The following SPAG16 variants were observed in gnomAD, a reference collection of about 807,000 sequenced individuals.
SPAG16 encodes the protein sperm-associated antigen 16 protein.
A neutral mutation model predicts 80.4 loss-of-function variants in SPAG16; 86 were observed. That is an observed-to-expected ratio of 1.07 (90% confidence interval 0.90 to 1.28). SPAG16 has a LOEUF of 1.28. Ranked by LOEUF, SPAG16 falls within the 50% of genes most tolerant of loss-of-function variation. The pLI, the probability that SPAG16 is intolerant of heterozygous loss-of-function variation, is 0.00. For synonymous variants in SPAG16, 294 were observed against 265.9 expected (o/e 1.11, Z -1.03); for missense variants, 870 against 765.3 (o/e 1.14, Z -1.61).
intron 10 of SPAG16, among the ~76,000 whole-genome samples, chr2:213,794,825 A>G (rs1026954710): frequency 2.7e-4 from 41 of 152,296 alleles, no homozygotes; most frequent in African/African-American, 9.1e-4. Context: ...ATGGCAGTTG[A>G]TAAGAGACAT....
intron 15 of SPAG16, among the ~76,000 whole-genome samples, chr2:214,220,460 A>G (rs997111865): frequency 6.6e-6 from 1 of 152,222 alleles, no homozygotes; most frequent in East Asian, 1.9e-4. Context: ...TTAATTTTTA[A>G]TCAGTAAGAT....
rs535960793 is a variant in SPAG16, at chr2:213,740,367, T to G, written c.1071-122118T>G. Reference sequence around the variant, plus strand: ...CAAACTGTAAAGAAAGGTTGATGTCTTATGAAATGTGAAAGGTTGATGTCT... The same window carrying G: ...CAAACTGTAAAGAAAGGTTGATGTCGTATGAAATGTGAAAGGTTGATGTCT... On this transcript the variant is annotated intron_variant, in intron 10 of 15. Coordinates refer to ENST00000331683, the MANE Select transcript of SPAG16 (RefSeq NM_024532.5). Among the ~76,000 whole-genome samples, 72 of 152,316 alleles carry G rather than the reference T, an allele frequency of 4.7e-4. 1 individual carries two copies. Among genetic ancestry groups the G allele is most frequent in the African/African-American group, 1.6e-3 (67 of 41,570 alleles).
At position 213,917,572 on chromosome 2, in the gene SPAG16, G is replaced by A. The variant is rs544882686; in HGVS notation, c.1215-12388G>A. On this transcript the variant is annotated intron_variant, in intron 11 of 15. Coordinates refer to ENST00000331683, the MANE Select transcript of SPAG16 (RefSeq NM_024532.5). ...GACTGTATTCGTGATTTCACTCTCA[G>A]CTTAGATGTTGTTGGTATATAGAAA... 2.6e-5 allele frequency among the ~76,000 whole-genome samples: 4 copies of A among 152,216 alleles called. No individual in the cohort carries two copies. The East Asian group carries it at 7.7e-4, about 29-fold the overall frequency.
chr2:213,903,562 G>A (rs1040705061), intron 11 of SPAG16, among the ~76,000 whole-genome samples: 1 of 152,070 alleles, frequency 6.6e-6, no homozygotes, highest in South Asian at 2.1e-4. Context: ...CCTGGTCCAC[G>A]AAACCATTTT....
At chr2:213,911,502 T>G (rs185446967) in intron 11 of SPAG16, among the ~76,000 whole-genome samples, 1 of 152,316 alleles carries the variant, frequency 6.6e-6, no homozygotes, top group East Asian at 1.9e-4. Context: ...ATGCCAAGAA[T>G]GCACATGAAG....
intron 10 of SPAG16, among the ~76,000 whole-genome samples, chr2:213,823,162 A>G (rs746880499): frequency 5.7e-4 from 87 of 152,134 alleles, no homozygotes; most frequent in Non-Finnish European, 1.2e-3. Context: ...GTCTTCCACA[A>G]TGGTTGAACT....
rs1449759628 is a variant in SPAG16, at chr2:213,489,949, A to T, written c.943-14A>T. 1 of 1,588,676 alleles carries T rather than the reference A, an allele frequency of 6.3e-7. No homozygotes were observed. The highest frequency in any genetic ancestry group is 8.5e-7 in the Non-Finnish European group (1 of 1,169,652). ...ATATTTAACACAGAGCTCTTGTTTA[A>T]TTTTTTTCTCTAGGATTCAGAATTT... On this transcript the variant is annotated splice_polypyrimidine_tract_variant and intron_variant, in intron 9 of 15. Transcript: ENST00000331683.
intron 10 of SPAG16, among the ~76,000 whole-genome samples, chr2:213,514,092 G>A (rs947465368): frequency 2.6e-5 from 4 of 152,126 alleles, no homozygotes; most frequent in African/African-American, 7.2e-5. Flanking sequence ...AACAAAGAGA[G>A]TAGAGAGTTT....
chr2:213,993,260 C>T (rs2046367285), intron 12 of SPAG16, among the ~76,000 whole-genome samples: 1 of 152,184 alleles, frequency 6.6e-6, no homozygotes, highest in Non-Finnish European at 1.5e-5. Context: ...TGACATAATT[C>T]ACCCTTTTCA....
intron 9 of SPAG16, among the ~76,000 whole-genome samples, chr2:213,387,312 A>C (rs1025169012): frequency 6.6e-6 from 1 of 151,558 alleles, no homozygotes. Flanking sequence ...ACTATTATTA[A>C]AAGTATTTTA....
At position 213,489,000 on chromosome 2, in the gene SPAG16, G is replaced by A. The variant is rs372175000; in HGVS notation, c.943-963G>A. ...TGAGGCACGGGAATCGCCTGAATCC[G>A]GAAGGCGGAGGTTGCAGTGAGCCAA... is the stretch of plus-strand genomic sequence containing the variant. On this transcript the variant is annotated intron_variant, in intron 9 of 15. Coordinates refer to ENST00000331683, the MANE Select transcript of SPAG16 (RefSeq NM_024532.5). Among the ~76,000 whole-genome samples the A allele has an allele frequency of 1.9e-3, 277 of 147,980 alleles. 7 individuals are homozygous for A. The highest frequency in any genetic ancestry group is 4.8e-3 in the African/African-American group (197 of 40,874).
chr2:213,488,904 C>T (rs1245100839), intron 9 of SPAG16, among the ~76,000 whole-genome samples: 1 of 149,272 alleles, frequency 6.7e-6, no homozygotes, highest in African/African-American at 2.4e-5. Context: ...TGGTGAAAAC[C>T]GTCTACTAAA....
At chr2:213,670,802 T>C (rs1312048632) in intron 10 of SPAG16, among the ~76,000 whole-genome samples, 1 of 152,210 alleles carries the variant, frequency 6.6e-6, no homozygotes, top group Non-Finnish European at 1.5e-5. Context: ...GAAAGTTGCT[T>C]AGTTTTTGAA....
chr2:213,945,287 A>T (rs907014719), intron 12 of SPAG16, among the ~76,000 whole-genome samples: 2 of 147,036 alleles, frequency 1.4e-5, no homozygotes, highest in Non-Finnish European at 3.0e-5. Flanking sequence ...ACACAAACAC[A>T]CACATATATA....
chr2:213,549,276 T>C, intron 10 of SPAG16, among the ~76,000 whole-genome samples: 1 of 151,958 alleles, frequency 6.6e-6, no homozygotes, highest in Admixed American at 6.5e-5. Flanking sequence ...AATTTTCTCT[T>C]ATATTATTTT....
intron 15 of SPAG16, among the ~76,000 whole-genome samples, chr2:214,155,277 A>G (rs944188537): frequency 6.6e-6 from 1 of 152,192 alleles, no homozygotes; most frequent in Non-Finnish European, 1.5e-5. Context: ...CAGGCCTGGA[A>G]ATAATTTGTG....
chr2:213,954,124 TAAAG>T (rs2043995700), intron 12 of SPAG16, among the ~76,000 whole-genome samples: 1 of 148,016 alleles, frequency 6.8e-6, no homozygotes, highest in Non-Finnish European at 1.5e-5. Context: ...TCCACTCTCA[TAAAG>T]AGTCACTCCT....
At chr2:214,133,803 T>C (rs766577197) in intron 14 of SPAG16, among the ~76,000 whole-genome samples, 14 of 152,054 alleles carry the variant, frequency 9.2e-5, no homozygotes, top group Non-Finnish European at 1.9e-4. Context: ...CTGAATAGAA[T>C]TGGAAAGGAA....
chr2:213,862,515 A>G lies in SPAG16; in HGVS notation c.1101A>G (p.Leu367=), dbSNP rs765727373. The G allele has an allele frequency of 6.2e-7, 1 of 1,614,064 alleles. No individual in the cohort carries two copies. Among genetic ancestry groups the G allele is most frequent in the Non-Finnish European group, 8.5e-7 (1 of 1,179,968 alleles). The change falls in exon 11 of 16, where the codon CTA becomes CTG. Residue 367 remains leucine (L), a synonymous_variant. Transcript: ENST00000331683. Reference sequence around the variant, plus strand: ...CCATGCAACCCCACAAAGACATCCTAGTCTCCTGTGGCGAGGACCGACTCT... The same window carrying G: ...CCATGCAACCCCACAAAGACATCCTGGTCTCCTGTGGCGAGGACCGACTCT... ...CVSMQPHKDI[L]VSCGEDRLWK...
Sources: gnomAD v4.1 joint callset for allele counts (sites outside exome capture counted in the v4.1 genomes callset) on GRCh38, gnomAD v4.1.1 for gene constraint, MANE v1.5 for transcripts, NCBI Gene and HGNC (gene_info 2026-07-23, HGNC 2026-07-21) for gene names.